MYO7B: variants seen among roughly 807,000 people sequenced by gnomAD.
The protein encoded by MYO7B is unconventional myosin-VIIb.
Under a neutral mutation model 259.7 loss-of-function variants are expected in MYO7B, and 212 were observed. That is an observed-to-expected ratio of 0.82 (90% CI 0.73 to 0.91). MYO7B has a LOEUF of 0.91. Ranked by LOEUF, MYO7B falls within the 40% of genes least tolerant of loss-of-function variation. MYO7B has a pLI of 0.00. For synonymous variants in MYO7B, 1,197 were observed against 1,166.4 expected, an observed-to-expected ratio of 1.03 and a Z score of -0.54; for missense variants, 2,732 against 2,813.5, an observed-to-expected ratio of 0.97 and a Z score of 0.66.
At position 127,588,543 on chromosome 2, in the gene MYO7B, C is replaced by A. The variant is rs756574485; in HGVS notation, c.1842C>A (p.Asn614Lys). 63 of 1,613,066 alleles carry A rather than the reference C, an allele frequency of 3.9e-5. No individual in the cohort carries two copies. The highest frequency in any genetic ancestry group is 5.2e-5 in the Non-Finnish European group (61 of 1,179,862). Residue 614 changes from asparagine (N) to lysine (K), a missense_variant, in exon 15 of 48, where the codon AAC (asparagine) becomes AAA (lysine). Physicochemically the swap from Asn to Lys is moderately conservative, Grantham distance 94. Around this residue, in one of 3 missense-constraint regions of MYO7B, gnomAD observed 1,906 missense variants for 2,026.4 expected, o/e 0.94. Coordinates refer to ENST00000409816, the MANE Select transcript of MYO7B (RefSeq NM_001393586.1). ...HGTIRQAKAG[N>K]HLFKSADSNK... ...CCATCCGCCAGGCAAAGGCAGGAAA[C>A]CATCTCTTCAAGGTGGGCTCCCAGG... is the stretch of plus-strand genomic sequence containing the variant.
intron 1 of MYO7B, among the ~76,000 whole-genome samples, chr2:127,543,028 C>A (rs1246649652): frequency 6.6e-6 from 1 of 152,242 alleles, no homozygotes; most frequent in Non-Finnish European, 1.5e-5. Flanking sequence ...CCAAGACATT[C>A]TATTCCCAGG....
Position 127,631,338 on chromosome 2 carries a change from G to A in MYO7B, c.5070G>A (p.Trp1690Ter), listed in dbSNP as rs1681495242. The A allele has an allele frequency of 6.2e-7, 1 of 1,609,790 alleles. No homozygotes were observed. The highest frequency in any genetic ancestry group is 8.5e-7 in the Non-Finnish European group (1 of 1,177,322). ...LKRVHANVDL[W>*]DIACQIFVAI... ...GAGTCCACGCCAACGTCGACCTCTGGGACATCGCCTGCCAGATCTTTGTCG... is the reference window on the plus strand; with the variant it reads ...GAGTCCACGCCAACGTCGACCTCTGAGACATCGCCTGCCAGATCTTTGTCG... Residue 1690 changes from tryptophan (W) to a stop codon, truncating the protein, a stop_gained, in exon 37 of 48, where the codon TGG becomes TGA. Coordinates refer to ENST00000409816, the MANE Select transcript of MYO7B (RefSeq NM_001393586.1). LOFTEE classifies it high-confidence loss of function.
At chr2:127,618,550 C>A (rs954542759) in intron 26 of MYO7B, among the ~76,000 whole-genome samples, 1 of 152,182 alleles carries the variant, frequency 6.6e-6, no homozygotes, top group South Asian at 2.1e-4. Context: ...TCCTTCTGGG[C>A]GGCAGACGCA....
intron 41 of MYO7B, 104 bp downstream of exon 41, chr2:127,634,393 AC>A: frequency 1.0e-6 from 1 of 989,446 alleles, no homozygotes; most frequent in Non-Finnish European, 1.5e-6. Flanking sequence ...CCCATGCTGG[AC>A]CAGGCTGCAC....
intron 1 of MYO7B, among the ~76,000 whole-genome samples, chr2:127,552,627 G>A (rs909796233): frequency 5.3e-5 from 8 of 152,152 alleles, no homozygotes; most frequent in African/African-American, 1.9e-4. Context: ...GGCAGATCCT[G>A]GTGTCTGGAG....
chr2:127,624,368 AC>A (rs1374902484), intron 30 of MYO7B, 48 bp downstream of exon 30: 2 of 1,517,844 alleles, frequency 1.3e-6, no homozygotes, highest in Non-Finnish European at 1.8e-6. Flanking sequence ...CCATCAGGAA[AC>A]ATCCCATAGA....
In MYO7B at chr2:127,631,628, T is replaced by G; in HGVS notation, c.5124T>G (p.Pro1708=). The G allele has an allele frequency of 6.2e-7, 1 of 1,613,100 alleles. No homozygotes were observed. The highest frequency in any genetic ancestry group is 8.5e-7 in the Non-Finnish European group (1 of 1,179,818). The change falls in exon 38 of 48, where the codon CCT becomes CCG. Residue 1708 remains proline, a synonymous_variant. Transcript: ENST00000409816. The part of the protein sequence containing the change: ...VAILRYMGDY[P]SRQAWPTLEL... Reference sequence around the variant, plus strand: ...TCCTCCGGTACATGGGCGACTACCCTTCTCGGCAGGCCTGGCCCACCCTGG... The same window carrying G: ...TCCTCCGGTACATGGGCGACTACCCGTCTCGGCAGGCCTGGCCCACCCTGG...
At chr2:127,603,948 A>G (rs1680062149) in intron 19 of MYO7B, among the ~76,000 whole-genome samples, 1 of 148,700 alleles carries the variant, frequency 6.7e-6, no homozygotes, top group African/African-American at 2.4e-5. Flanking sequence ...CCTGGCCAAT[A>G]TGGTGAAACC....
At position 127,607,187 on chromosome 2, in the gene MYO7B, C is replaced by A; in HGVS notation, c.2425-19C>A. Reference sequence around the variant, plus strand: ...AAGGCCTTCTTGCCCCTGATCTCACCTCTCTCTTGCCTCCGCAGATCCTCG... The same window carrying A: ...AAGGCCTTCTTGCCCCTGATCTCACATCTCTCTTGCCTCCGCAGATCCTCG... On this transcript the variant is annotated intron_variant, in intron 20 of 47. Transcript: ENST00000409816. This position sits in a 1 kb window ranked among gnomAD's most constrained non-coding sequence, Gnocchi z 4.4. 1 of 1,539,848 alleles carries A rather than the reference C, an allele frequency of 6.5e-7. No homozygotes were observed. The highest frequency in any genetic ancestry group is 8.8e-7 in the Non-Finnish European group (1 of 1,140,464).
chr2:127,555,018 A>G (rs1693587402), intron 1 of MYO7B, among the ~76,000 whole-genome samples: 3 of 149,500 alleles, frequency 2.0e-5, no homozygotes, highest in African/African-American at 7.4e-5. Context: ...GCATGATCTC[A>G]GCTCACTGCA....
At chr2:127,610,134 C>A in intron 24 of MYO7B, 118 bp downstream of exon 24, 2 of 1,377,600 alleles carry the variant, frequency 1.5e-6, no homozygotes, top group Non-Finnish European at 1.9e-6. Context: ...CTGTCCTCAG[C>A]CTTACCCATG....
chr2:127,581,885 C>T lies in MYO7B; in HGVS notation c.1081-6C>T, dbSNP rs373172277. 6.2e-7 allele frequency: 1 copy of T among 1,613,400 alleles called. No individual in the cohort carries two copies. The highest frequency in any genetic ancestry group is 1.7e-5 in the Admixed American group (1 of 60,006). ...GGTGCGACGCAGCCCCCACCTGCCT[C>T]CCCAGGTGCAGCACCAGGAGCTCCG... is the stretch of plus-strand genomic sequence containing the variant. On this transcript the variant is annotated splice_region_variant and splice_polypyrimidine_tract_variant and intron_variant, in intron 10 of 47. Transcript: ENST00000409816.
chr2:127,599,856 G>A (rs145054733), intron 19 of MYO7B, among the ~76,000 whole-genome samples: 1 of 152,328 alleles, frequency 6.6e-6, no homozygotes, highest in East Asian at 1.9e-4. Flanking sequence ...ATCCCTGGAG[G>A]AAACACCACT....
intron 36 of MYO7B, 131 bp from the exon 37 acceptor site, chr2:127,631,075 A>T: frequency 1.6e-5 from 22 of 1,382,590 alleles, no homozygotes; most frequent in Non-Finnish European, 2.1e-5. Flanking sequence ...AGGCCAGGGG[A>T]GTCAGGAGGG....
chr2:127,568,821 G>A (rs965680073), intron 5 of MYO7B, among the ~76,000 whole-genome samples: 1 of 152,058 alleles, frequency 6.6e-6, no homozygotes, highest in African/African-American at 2.4e-5. Flanking sequence ...TGCTGGAACT[G>A]GAGTGGGCGG....
intron 19 of MYO7B, among the ~76,000 whole-genome samples, chr2:127,602,238 T>C (rs1043777506): frequency 1.3e-5 from 2 of 152,222 alleles, no homozygotes; most frequent in African/African-American, 4.8e-5. Flanking sequence ...TCTACCGCTG[T>C]CATCATTTTA....
At chr2:127,561,620 G>A (rs13403811) in intron 2 of MYO7B, among the ~76,000 whole-genome samples, 21,392 of 152,128 alleles carry the variant, frequency 0.14, 2,511 homozygotes, top group African/African-American at 0.3. Flanking sequence ...GACACTATGC[G>A]GGGTCCCTGC....
intron 1 of MYO7B, among the ~76,000 whole-genome samples, chr2:127,541,844 C>A (rs1252973972): frequency 6.6e-6 from 1 of 152,210 alleles, no homozygotes; most frequent in Non-Finnish European, 1.5e-5. Flanking sequence ...CCAGGAGGGG[C>A]TGCACCAGGC....
chr2:127,634,990 G>T, intron 42 of MYO7B, 130 bp from the exon 43 acceptor site: 1 of 737,980 alleles, frequency 1.4e-6, no homozygotes, highest in Non-Finnish European at 2.3e-6. Context: ...AAAATGTGGG[G>T]ACTGGGGAGG....
Sources: gnomAD v4.1 joint callset for allele counts (sites outside exome capture counted in the v4.1 genomes callset) on GRCh38, gnomAD v4.1.1 for gene constraint, gnomAD v4.1.1 regional missense constraint, Gnocchi (gnomAD v3.1) non-coding constraint, MANE v1.5 for transcripts, NCBI Gene and HGNC (gene_info 2026-07-23, HGNC 2026-07-21) for gene names.